Variants in ZBTB7C observed in about 807,000 individuals in gnomAD.
ZBTB7C encodes the protein zinc finger and BTB domain-containing protein 7C.
In ZBTB7C, 8 loss-of-function variants were observed where a neutral mutation model predicts 25.7. The observed-to-expected ratio is 0.31, with a 90% CI of 0.18 to 0.56. The LOEUF is 0.56. ZBTB7C is among the 20% of genes least tolerant of loss of function. ZBTB7C has a pLI of 0.91. For synonymous variants in ZBTB7C, 394 were observed against 369.0 expected, an observed-to-expected ratio of 1.07 and a Z score of -0.78; for missense variants, 824 against 855.2, an observed-to-expected ratio of 0.96 and a Z score of 0.46.
intron 1 of ZBTB7C, among the ~76,000 whole-genome samples, chr18:48,354,750 G>A (rs2046940282): frequency 1.3e-5 from 2 of 152,152 alleles, no homozygotes; most frequent in Admixed American, 1.3e-4. Flanking sequence ...GAAAGGGCTG[G>A]TGTGTCAGGG....
At chr18:48,378,122 G>C (rs916321211) in intron 1 of ZBTB7C, among the ~76,000 whole-genome samples, 1 of 152,206 alleles carries the variant, frequency 6.6e-6, no homozygotes, top group Non-Finnish European at 1.5e-5. Flanking sequence ...TGGGCAACAA[G>C]AGTGAAACTC....
intron 2 of ZBTB7C, among the ~76,000 whole-genome samples, chr18:48,275,323 C>A (rs1598754137): frequency 6.6e-6 from 1 of 152,186 alleles, no homozygotes; most frequent in Non-Finnish European, 1.5e-5. Context: ...CAGAAGCCAG[C>A]GCTGCTGCGT....
chr18:48,054,619 G>A (rs574091556), intron 3 of ZBTB7C, among the ~76,000 whole-genome samples: 3 of 152,148 alleles, frequency 2.0e-5, no homozygotes, highest in Non-Finnish European at 4.4e-5. Context: ...CCTCAGATTT[G>A]CCTCAGAACT....
chr18:48,273,899 G>A (rs1463631148), intron 2 of ZBTB7C, among the ~76,000 whole-genome samples: 1 of 151,846 alleles, frequency 6.6e-6, no homozygotes, highest in Non-Finnish European at 1.5e-5. Context: ...AAAACAATAA[G>A]AAGGTGTTAT....
At chr18:48,055,067 A>G (rs1204793947) in intron 3 of ZBTB7C, among the ~76,000 whole-genome samples, 1 of 152,130 alleles carries the variant, frequency 6.6e-6, no homozygotes, top group Admixed American at 6.5e-5. Flanking sequence ...GGCAGGTAAG[A>G]GTAACCCACA....
At chr18:48,091,546 G>T (rs559172210) in intron 3 of ZBTB7C, among the ~76,000 whole-genome samples, 1 of 151,948 alleles carries the variant, frequency 6.6e-6, no homozygotes, top group Non-Finnish European at 1.5e-5. Flanking sequence ...TTATTGTATC[G>T]GACAGCTCAT....
chr18:48,095,227 G>A (rs774243913), intron 3 of ZBTB7C, among the ~76,000 whole-genome samples: 1 of 152,158 alleles, frequency 6.6e-6, no homozygotes, highest in African/African-American at 2.4e-5. Context: ...CTTTGAGGCA[G>A]TTCCATGGCA....
Position 48,167,911 on chromosome 18 carries a change from G to A in ZBTB7C, c.-17+18023C>T, listed in dbSNP as rs572868538. ...GTTTTCCATAAGAGCAGCAACAGTC[G>A]GATAAAGGTGCCTGCCCACATAAAA... On this transcript the variant is annotated intron_variant, in intron 3 of 4. Transcript: ENST00000590800. 2.6e-5 allele frequency among the ~76,000 whole-genome samples: 4 copies of A among 152,282 alleles called. No homozygotes were observed. The South Asian group carries it at 6.2e-4, about 24-fold the overall frequency.
chr18:48,249,715 A>C (rs2144420086), intron 2 of ZBTB7C, among the ~76,000 whole-genome samples: 1 of 152,332 alleles, frequency 6.6e-6, no homozygotes, highest in African/African-American at 2.4e-5. Flanking sequence ...CTGTGCCTGA[A>C]GTAATACTGC....
chr18:48,041,595 C>T (rs1203781188), intron 3 of ZBTB7C: 3 of 967,072 alleles, frequency 3.1e-6, no homozygotes, highest in South Asian at 4.8e-5. Flanking sequence ...AACAGACTTA[C>T]ACTTTGCACT....
intron 2 of ZBTB7C, among the ~76,000 whole-genome samples, chr18:48,193,965 C>A (rs1001722459): frequency 1.3e-5 from 2 of 152,188 alleles, no homozygotes; most frequent in East Asian, 3.9e-4. Context: ...CTGTGTGTGG[C>A]TGAGATAATG....
At chr18:48,342,165 C>T (rs1328395516) in intron 1 of ZBTB7C, among the ~76,000 whole-genome samples, 1 of 152,164 alleles carries the variant, frequency 6.6e-6, no homozygotes, top group Non-Finnish European at 1.5e-5. Flanking sequence ...TCCCAGTGCC[C>T]AGGAGCACAG....
intron 3 of ZBTB7C, among the ~76,000 whole-genome samples, chr18:48,069,964 C>A (rs2037481676): frequency 1.3e-5 from 2 of 152,084 alleles, no homozygotes; most frequent in Non-Finnish European, 2.9e-5. Flanking sequence ...GTCCATGGGG[C>A]CTGGTAAGAT....
intron 3 of ZBTB7C, among the ~76,000 whole-genome samples, chr18:48,108,419 A>C (rs941256779): frequency 6.6e-6 from 1 of 152,130 alleles, no homozygotes; most frequent in Non-Finnish European, 1.5e-5. Context: ...ACCCTGGGGA[A>C]ACAGAGGCTT....
intron 2 of ZBTB7C, among the ~76,000 whole-genome samples, chr18:48,249,762 T>C (rs573465785): frequency 6.6e-5 from 10 of 152,172 alleles, no homozygotes; most frequent in Non-Finnish European, 1.5e-4. Context: ...TGTAAAACTT[T>C]ATCATCTTTA....
intron 2 of ZBTB7C, among the ~76,000 whole-genome samples, chr18:48,220,035 CACA>C (rs2042912966): frequency 1.3e-5 from 2 of 152,184 alleles, no homozygotes; most frequent in Non-Finnish European, 2.9e-5. Flanking sequence ...GCAGATGTGG[CACA>C]GAGCCCACTA....
chr18:48,326,562 C>A (rs959140253), intron 2 of ZBTB7C, among the ~76,000 whole-genome samples: 5 of 151,684 alleles, frequency 3.3e-5, no homozygotes, highest in African/African-American at 9.7e-5. Context: ...TAAATAAATT[C>A]TGTTCATGCA....
chr18:48,095,718 T>TAAATAAAATAAAATAAAATA (rs74172091), intron 3 of ZBTB7C, among the ~76,000 whole-genome samples: 136 of 132,890 alleles, frequency 1.0e-3, no homozygotes, highest in Admixed American at 4.0e-3. Context: ...TCTCAAAAAA[T>TAAATAAAATAAAATAAAATA]AAATAAAATA....
intron 3 of ZBTB7C, among the ~76,000 whole-genome samples, chr18:48,097,689 G>A (rs1231152481): frequency 6.6e-6 from 1 of 152,116 alleles, no homozygotes; most frequent in Non-Finnish European, 1.5e-5. Context: ...GAGCTACGGC[G>A]CCCAGCGTGG....
Sources: allele counts gnomAD v4.1 joint callset (sites outside exome capture counted in the v4.1 genomes callset), GRCh38; gene constraint gnomAD v4.1.1; transcripts MANE v1.5; gene names NCBI Gene and HGNC (gene_info 2026-07-23, HGNC 2026-07-21).